ARHGAP23: variants seen among roughly 807,000 people sequenced by gnomAD.
ARHGAP23 encodes rho GTPase-activating protein 23.
Under a neutral mutation model 136.3 loss-of-function variants are expected in ARHGAP23, and 34 were observed. The ratio of observed to expected loss-of-function variants is 0.25; its 90% CI spans 0.19 to 0.33. ARHGAP23 has a LOEUF of 0.33. Ranked by LOEUF, ARHGAP23 falls within the 10% of genes least tolerant of loss-of-function variation. The pLI is 1.00. For synonymous variants in ARHGAP23, 832 were observed against 920.5 expected (o/e 0.90, Z 1.74); for missense variants, 1,808 against 2,139.0 (o/e 0.85, Z 3.05).
chr17:38,493,881 G>A (rs1161234893), intron 20 of ARHGAP23, among the ~76,000 whole-genome samples: 3 of 152,198 alleles, frequency 2.0e-5, no homozygotes, highest in African/African-American at 7.2e-5. Context: ...CTATGTTTAC[G>A]AAGTCAAATG....
chr17:38,425,133 G>A (rs1334477673), upstream of ARHGAP23, among the ~76,000 whole-genome samples: 1 of 152,142 alleles, frequency 6.6e-6, no homozygotes, highest in African/African-American at 2.4e-5. Flanking sequence ...CCCAAACCAG[G>A]CTAGCACGGA....
In ARHGAP23 at chr17:38,510,518, C is replaced by T; in HGVS notation, c.4022C>T (p.Pro1341Leu). The part of the protein sequence containing the change: ...EGAGRGGPRA[P>L]EPPGSASSSS... Reference sequence around the variant, plus strand: ...GCGGGCCGGGGCGGTCCCCGCGCCCCGGAGCCGCCCGGCTCGGCGTCGTCC... The same window carrying T: ...GCGGGCCGGGGCGGTCCCCGCGCCCTGGAGCCGCCCGGCTCGGCGTCGTCC... The change falls in exon 24 of 24, where the codon CCG (proline) becomes CTG (leucine). Residue 1341 changes from proline to leucine, a missense_variant. Pro to Leu is a moderately conservative substitution (Grantham distance 98, BLOSUM62 -3). Transcript: ENST00000622683. The surrounding 1 kb of genome is among the most constrained non-coding windows in gnomAD (Gnocchi z 4.6). 1 of 1,136,512 alleles carries T rather than the reference C, an allele frequency of 8.8e-7. No individual in the cohort carries two copies. The highest frequency in any genetic ancestry group is 4.2e-5 in the South Asian group (1 of 23,644). The allele number at this position is 1,136,512 out of a possible 1,614,324, so 70.4% of individuals were successfully genotyped here.
upstream of ARHGAP23, among the ~76,000 whole-genome samples, chr17:38,427,070 A>T (rs191158234): frequency 1.7e-3 from 266 of 152,344 alleles, 1 homozygote; most frequent in African/African-American, 6.1e-3. Flanking sequence ...CCTTAAACTG[A>T]AAAAGTCATG....
chr17:38,456,566 G>T (rs1027806888), intron 1 of ARHGAP23, among the ~76,000 whole-genome samples: 1 of 152,168 alleles, frequency 6.6e-6, no homozygotes, highest in African/African-American at 2.4e-5. Flanking sequence ...CCTCTGAGGG[G>T]CTTGGACTAG....
intron 1 of ARHGAP23, among the ~76,000 whole-genome samples, chr17:38,441,792 G>T (rs2038926304): frequency 6.6e-6 from 1 of 152,198 alleles, no homozygotes; most frequent in Non-Finnish European, 1.5e-5. Context: ...TCCAGGGAGA[G>T]GGGAACTTGG....
chr17:38,504,367 A>G (rs891346161), intron 23 of ARHGAP23, among the ~76,000 whole-genome samples: 2 of 152,200 alleles, frequency 1.3e-5, no homozygotes, highest in African/African-American at 4.8e-5. Flanking sequence ...AATCGGAGTC[A>G]GGGAAGCAGG....
chr17:38,453,844 T>C (rs1189690405), intron 1 of ARHGAP23: 1 of 140,338 alleles, frequency 7.1e-6, no homozygotes, highest in Non-Finnish European at 1.6e-5. Context: ...GCCCGGGGGG[T>C]CGAGGACGCC....
chr17:38,420,462 G>A (rs1225472007), intron 1 of ARHGAP23, among the ~76,000 whole-genome samples: 1 of 152,234 alleles, frequency 6.6e-6, no homozygotes, highest in African/African-American at 2.4e-5. Flanking sequence ...CAGTGGCTGG[G>A]GGCCCTGGCT....
At chr17:38,425,665 G>T (rs2144463963), upstream of ARHGAP23, among the ~76,000 whole-genome samples, 1 of 152,294 alleles carries the variant, frequency 6.6e-6, no homozygotes, top group Admixed American at 6.5e-5. Flanking sequence ...GGGCTCTATG[G>T]CTCCAAACCC....
chr17:38,422,995 C>A (rs888123567), intron 1 of ARHGAP23, among the ~76,000 whole-genome samples: 6 of 152,166 alleles, frequency 3.9e-5, no homozygotes, highest in Non-Finnish European at 5.9e-5. Flanking sequence ...CTAGGACAAA[C>A]CCTGCCTGCC....
chr17:38,453,790 C>G (rs1270911368), intron 1 of ARHGAP23: 3 of 144,612 alleles, frequency 2.1e-5, no homozygotes, highest in Non-Finnish European at 4.6e-5. Context: ...GCCCCGGGCC[C>G]GCGGCTCCGG....
chr17:38,492,396 T>C (rs936049471), intron 20 of ARHGAP23, among the ~76,000 whole-genome samples: 1 of 152,082 alleles, frequency 6.6e-6, no homozygotes, highest in African/African-American at 2.4e-5. Context: ...CCAAGCCCCC[T>C]AGACACTTTA....
At chr17:38,429,781 T>G (rs536559655) in intron 1 of ARHGAP23, among the ~76,000 whole-genome samples, 1 of 152,220 alleles carries the variant, frequency 6.6e-6, no homozygotes, top group South Asian at 2.1e-4. Flanking sequence ...CAACACATAC[T>G]TCATCTCTAT....
chr17:38,504,833 G>T (rs2040594373), intron 23 of ARHGAP23, among the ~76,000 whole-genome samples: 1 of 152,064 alleles, frequency 6.6e-6, no homozygotes, highest in South Asian at 2.1e-4. Flanking sequence ...GGTGCCCCAA[G>T]TTACAGCCAC....
chr17:38,462,750 C>G, intron 3 of ARHGAP23, 96 bp from the exon 4 acceptor site: 1 of 879,352 alleles, frequency 1.1e-6, no homozygotes, highest in Non-Finnish European at 1.7e-6. Flanking sequence ...CGGACGAGTG[C>G]AATCATTCTC....
chr17:38,481,429 A>G (rs979858761), intron 14 of ARHGAP23, among the ~76,000 whole-genome samples: 2 of 152,016 alleles, frequency 1.3e-5, no homozygotes, highest in South Asian at 2.1e-4. Context: ...TTACAGGCGT[A>G]AGCCACCGCG....
At chr17:38,429,476 G>A (rs560527738) in intron 1 of ARHGAP23, among the ~76,000 whole-genome samples, 1 of 152,374 alleles carries the variant, frequency 6.6e-6, no homozygotes, top group African/African-American at 2.4e-5. Context: ...TTGAGGTCAA[G>A]GCCAGGGCTG....
intron 20 of ARHGAP23, among the ~76,000 whole-genome samples, chr17:38,497,569 C>T (rs529221904): frequency 5.1e-4 from 77 of 152,350 alleles, no homozygotes; most frequent in African/African-American, 1.8e-3. Context: ...ACTGGGGTCC[C>T]ACCTTTTCTC....
chr17:38,469,673 G>T (rs1349152522), intron 9 of ARHGAP23, 38 bp downstream of exon 9: 2 of 1,538,936 alleles, frequency 1.3e-6, no homozygotes, highest in Non-Finnish European at 1.8e-6. Context: ...GGTGGCCACA[G>T]CCACCGTGGC....
Sources: gnomAD v4.1 joint callset for allele counts (sites outside exome capture counted in the v4.1 genomes callset) on GRCh38, gnomAD v4.1.1 for gene constraint, Gnocchi (gnomAD v3.1) non-coding constraint, MANE v1.5 for transcripts, NCBI Gene and HGNC (gene_info 2026-07-23, HGNC 2026-07-21) for gene names.